Variants in GDAP1 observed in about 807,000 individuals in gnomAD.
GDAP1 encodes ganglioside induced differentiation associated protein 1, also known as ganglioside-induced differentiation-associated protein 1.
A neutral mutation model predicts 40.1 loss-of-function variants in GDAP1; 34 were observed. The observed-to-expected ratio is 0.85, with a 90% CI of 0.64 to 1.13. GDAP1 has a LOEUF of 1.13. GDAP1 is among the 50% of genes most tolerant of loss of function. The pLI, the probability that GDAP1 is intolerant of heterozygous loss-of-function variation, is 0.00. For missense variants in GDAP1, 374 were observed against 433.7 expected, an observed-to-expected ratio of 0.86 and a Z score of 1.22; for synonymous variants, 170 against 157.4, an observed-to-expected ratio of 1.08 and a Z score of -0.60.
chr8:74,374,016 A>G (rs1004318869), intron 2 of GDAP1, among the ~76,000 whole-genome samples: 2 of 152,168 alleles, frequency 1.3e-5, no homozygotes, highest in African/African-American at 4.8e-5. Flanking sequence ...TGAGATAACC[A>G]TGTGGTTTTT....
chr8:74,400,619 T>C (rs1247415987), intron 2 of GDAP1, among the ~76,000 whole-genome samples: 2 of 149,876 alleles, frequency 1.3e-5, no homozygotes, highest in Non-Finnish European at 1.5e-5. Context: ...TTATTTTGCT[T>C]GTTAGTTGAT....
chr8:74,449,276 G>A (rs530749412), intron 2 of GDAP1, among the ~76,000 whole-genome samples: 1 of 151,750 alleles, frequency 6.6e-6, no homozygotes, highest in South Asian at 2.1e-4. Context: ...AATCAAAGTT[G>A]AATCAACTTT....
intron 2 of GDAP1, among the ~76,000 whole-genome samples, chr8:74,469,823 A>T (rs1483619536): frequency 6.6e-6 from 1 of 151,360 alleles, no homozygotes; most frequent in Non-Finnish European, 1.5e-5. Flanking sequence ...TAAAATACAA[A>T]ATTAGCTGGG....
intron 2 of GDAP1, among the ~76,000 whole-genome samples, chr8:74,354,056 A>G (rs1808996586): frequency 1.3e-5 from 2 of 152,206 alleles, no homozygotes; most frequent in Admixed American, 6.5e-5. Flanking sequence ...CCCTTGTGGA[A>G]TAAAGGAGCA....
intron 2 of GDAP1, among the ~76,000 whole-genome samples, chr8:74,437,207 T>G (rs189569322): frequency 6.6e-6 from 1 of 152,340 alleles, no homozygotes; most frequent in Non-Finnish European, 1.5e-5. Flanking sequence ...TGTGAAGTCC[T>G]TTGAGTTGAA....
chr8:74,372,422 C>T (rs1466122121), intron 2 of GDAP1, among the ~76,000 whole-genome samples: 1 of 152,186 alleles, frequency 6.6e-6, no homozygotes, highest in Non-Finnish European at 1.5e-5. Context: ...ACATCCTCTC[C>T]AGCACCTGTT....
intron 2 of GDAP1, among the ~76,000 whole-genome samples, chr8:74,477,056 T>C (rs1806638608): frequency 6.6e-6 from 1 of 152,212 alleles, no homozygotes; most frequent in South Asian, 2.1e-4. Context: ...TGAGATTGTT[T>C]CCTTATCTTG....
At chr8:74,399,929 T>C (rs1356140267) in intron 2 of GDAP1, among the ~76,000 whole-genome samples, 1 of 144,238 alleles carries the variant, frequency 6.9e-6, no homozygotes, top group Admixed American at 6.7e-5. Context: ...TTGTTATAAT[T>C]TCTGTTCTTT....
chr8:74,366,406 A>G lies in GDAP1; in HGVS notation c.*2039A>G, dbSNP rs1809638307. 2.2e-6 allele frequency: 1 copy of G among 454,460 alleles called. No individual in the cohort carries two copies. Among genetic ancestry groups the G allele is most frequent in the Non-Finnish European group, 4.4e-6 (1 of 226,742 alleles). The allele number at this position is 454,460 out of a possible 1,614,324, so 28.2% of individuals were successfully genotyped here. Reference sequence around the variant, plus strand: ...TCTGAAATAAGGGCATCTTCATCAGATTATTCTTCTGTTTTAAAAAAAAGC... The same window carrying G: ...TCTGAAATAAGGGCATCTTCATCAGGTTATTCTTCTGTTTTAAAAAAAAGC... On this transcript the variant is annotated 3_prime_UTR_variant, in exon 6 of 6. Transcript: ENST00000220822.
At chr8:74,422,081 T>C (rs1805863704) in intron 2 of GDAP1, among the ~76,000 whole-genome samples, 1 of 152,096 alleles carries the variant, frequency 6.6e-6, no homozygotes, top group African/African-American at 2.4e-5. Flanking sequence ...ATATAGGCAA[T>C]GGTAGCACAT....
intron 2 of GDAP1, among the ~76,000 whole-genome samples, chr8:74,487,262 C>G (rs1806787670): frequency 1.3e-5 from 2 of 152,036 alleles, no homozygotes; most frequent in African/African-American, 4.8e-5. Context: ...ACCATTTCAA[C>G]AAAAACATAC....
chr8:74,414,913 G>A (rs773600975), intron 2 of GDAP1, among the ~76,000 whole-genome samples: 5 of 149,878 alleles, frequency 3.3e-5, no homozygotes, highest in Admixed American at 1.3e-4. Context: ...AACTAAAGAC[G>A]AAAAAAATTA....
intron 2 of GDAP1, among the ~76,000 whole-genome samples, chr8:74,460,171 G>A (rs779871183): frequency 6.6e-6 from 1 of 152,234 alleles, no homozygotes; most frequent in Admixed American, 6.5e-5. Flanking sequence ...TGTGCCCCAC[G>A]AATGGGGATT....
chr8:74,403,222 G>A (rs1419217369), intron 2 of GDAP1, among the ~76,000 whole-genome samples: 5 of 149,998 alleles, frequency 3.3e-5, no homozygotes, highest in African/African-American at 1.0e-4. Context: ...AAATGATATA[G>A]ATGCTTTATC....
chr8:74,362,784 C>CTCTTT (rs1300148699), intron 4 of GDAP1, among the ~76,000 whole-genome samples, 155 bp from the exon 5 acceptor site: 53 of 60,446 alleles, frequency 8.8e-4, no homozygotes, highest in Middle Eastern at 0.012. Flanking sequence ...CTCTCTCTCT[C>CTCTTT]TTTTTTTTTT....
chr8:74,447,165 G>A (rs1312741979), intron 2 of GDAP1, among the ~76,000 whole-genome samples: 6 of 152,036 alleles, frequency 3.9e-5, no homozygotes, highest in Non-Finnish European at 8.8e-5. Context: ...TTAGAAAGAG[G>A]TAATTACCAT....
chr8:74,423,686 C>T (rs1157406430), intron 2 of GDAP1, among the ~76,000 whole-genome samples: 1 of 151,986 alleles, frequency 6.6e-6, no homozygotes, highest in Non-Finnish European at 1.5e-5. Context: ...GAGCAGTATG[C>T]TTATCCGTGG....
chr8:74,447,793 C>G (rs905369481), intron 2 of GDAP1, among the ~76,000 whole-genome samples: 1 of 152,174 alleles, frequency 6.6e-6, no homozygotes, highest in African/African-American at 2.4e-5. Context: ...TGAATGCAAA[C>G]TCTGTTTCAT....
At chr8:74,386,098 C>T (rs1015430811) in intron 2 of GDAP1, among the ~76,000 whole-genome samples, 2 of 152,146 alleles carry the variant, frequency 1.3e-5, no homozygotes, top group Non-Finnish European at 2.9e-5. Flanking sequence ...ATCCCTTTGT[C>T]AAATGGATAG....
Sources: allele counts gnomAD v4.1 joint callset (sites outside exome capture counted in the v4.1 genomes callset), GRCh38; gene constraint gnomAD v4.1.1; transcripts MANE v1.5; gene names NCBI Gene and HGNC (gene_info 2026-07-23, HGNC 2026-07-21).